Variants in OR9G4 observed in about 807,000 individuals in gnomAD.
OR9G4 encodes the protein olfactory receptor 9G4.
In OR9G4, 19 loss-of-function variants were observed where a neutral mutation model predicts 16.7. That is an observed-to-expected ratio of 1.14 (90% confidence interval 0.79 to 1.67). OR9G4 has a LOEUF of 1.67. Among genes scored for constraint, OR9G4 ranks in the 40% most tolerant of loss-of-function variants. The pLI is 0.00. For missense variants in OR9G4, 428 were observed against 370.4 expected (o/e 1.16, Z -1.28); for synonymous variants, 182 against 146.2 (o/e 1.24, Z -1.76).
chr11:56,743,994 CTATT>C, intron 1 of OR9G4: 1 of 588,640 alleles, frequency 1.7e-6, no homozygotes, highest in Non-Finnish European at 3.0e-6. Context: ...TATTTATTAA[CTATT>C]TAATGCAGGA....
chr11:56,745,028 G>A (rs1299845475), intron 1 of OR9G4, among the ~76,000 whole-genome samples: 7 of 152,044 alleles, frequency 4.6e-5, no homozygotes, highest in South Asian at 4.1e-4. Context: ...CCCCACCTAC[G>A]TGTATTTACC....
chr11:56,748,364 G>T (rs1464621201), intron 1 of OR9G4, among the ~76,000 whole-genome samples: 1 of 152,006 alleles, frequency 6.6e-6, no homozygotes, highest in Non-Finnish European at 1.5e-5. Flanking sequence ...CAATCACTGG[G>T]GTCAAAAAAG....
Position 56,743,431 on chromosome 11 carries a change from G to A in OR9G4, c.336C>T (p.Cys112=), listed in dbSNP as rs1858344670. 3 of 1,614,144 alleles carry A rather than the reference G, an allele frequency of 1.9e-6. No individual in the cohort carries two copies. Among genetic ancestry groups the A allele is most frequent in the Non-Finnish European group, 2.5e-6 (3 of 1,180,030 alleles). ...FFSCVVAYTE[C]YLLAAMAYDR... ...CATATGCCATGGCTGCCAGGAGATA[G>A]CATTCAGTGTAGGCTACAACACAGG... The change falls in exon 2 of 2, where the codon TGC becomes TGT. Residue 112 remains cysteine, a synonymous_variant. Coordinates refer to ENST00000641668, the MANE Select transcript of OR9G4 (RefSeq NM_001005284.2).
At chr11:56,746,442 A>G (rs1226760535) in intron 1 of OR9G4, among the ~76,000 whole-genome samples, 1 of 152,212 alleles carries the variant, frequency 6.6e-6, no homozygotes, top group Non-Finnish European at 1.5e-5. Context: ...TAAACTCAGC[A>G]ATGATAATTC....
Position 56,743,175 on chromosome 11 carries a change from C to G in OR9G4, c.592G>C (p.Val198Leu). The G allele has an allele frequency of 6.2e-7, 1 of 1,614,092 alleles. No individual in the cohort carries two copies. The highest frequency in any genetic ancestry group is 8.5e-7 in the Non-Finnish European group (1 of 1,179,974). The change falls in exon 2 of 2, where the codon GTC becomes CTC. Residue 198 changes from valine to leucine, a missense_variant. By Grantham distance (32) the Val-to-Leu change is conservative (BLOSUM62 1). Transcript: ENST00000641668. ...SCTNTRVYEK[V>L]LLGVVGFTVL... ...GTGAAGCCCACCACACCAAGCAGGA[C>G]TTTTTCGTAGACCCTGGTGTTTGTA...
In OR9G4 at chr11:56,742,857, C is replaced by T; in HGVS notation, c.910G>A (p.Ala304Thr). The T allele has an allele frequency of 3.7e-6, 6 of 1,613,888 alleles. No homozygotes were observed. The highest frequency in any genetic ancestry group is 5.1e-6 in the Non-Finnish European group (6 of 1,179,834). ...GTTTGTGGTTGTATAGTCTGTGTTGCTTTCCTGAAGGCCTCTTTGATATCT... is the reference window on the plus strand; with the variant it reads ...GTTTGTGGTTGTATAGTCTGTGTTGTTTTCCTGAAGGCCTCTTTGATATCT... ...NKDIKEAFRK[A>T]TQTIQPQT is the part of the protein sequence containing the mutation. The change falls in exon 2 of 2, where the codon GCA becomes ACA. Residue 304 changes from alanine (A) to threonine (T), a missense_variant. Transcript: ENST00000641668.
In OR9G4 at chr11:56,741,243, TTTG is replaced by T; in HGVS notation, c.*1582_*1584del. ...ATTGTGTTTCTTTGTGTTTCGTTTG[TTTG>T]TTATGATTTTGAGATCAGACTATAA... On this transcript the variant is annotated 3_prime_UTR_variant, in exon 2 of 2. Coordinates refer to ENST00000641668, the MANE Select transcript of OR9G4 (RefSeq NM_001005284.2). The T allele has an allele frequency of 3.0e-6, 1 of 333,470 alleles. No individual in the cohort carries two copies. The highest frequency in any genetic ancestry group is 5.7e-6 in the Non-Finnish European group (1 of 176,118). The allele number at this position is 333,470 out of a possible 1,614,324, so 20.7% of individuals were successfully genotyped here.
At position 56,743,331 on chromosome 11, in the gene OR9G4, C is replaced by A; in HGVS notation, c.436G>T (p.Ala146Ser). ...MSTALCTGLVAGSYIGGFLNA... is the reference protein window; with the variant it reads ...MSTALCTGLVSGSYIGGFLNA... ...AAAAATCCTCCTATGTAGGAGCCAGCAACAAGCCCAGTACAGAGGGCGGTG... is the reference window on the plus strand; with the variant it reads ...AAAAATCCTCCTATGTAGGAGCCAGAAACAAGCCCAGTACAGAGGGCGGTG... Residue 146 changes from alanine (A) to serine (S), a missense_variant, in exon 2 of 2, where the codon GCT becomes TCT. Coordinates refer to ENST00000641668, the MANE Select transcript of OR9G4 (RefSeq NM_001005284.2). 1 of 1,614,140 alleles carries A rather than the reference C, an allele frequency of 6.2e-7. No homozygotes were observed. Among genetic ancestry groups the A allele is most frequent in the Non-Finnish European group, 8.5e-7 (1 of 1,180,038 alleles).
intron 1 of OR9G4, among the ~76,000 whole-genome samples, chr11:56,747,618 G>A (rs1466696512): frequency 6.6e-6 from 1 of 152,050 alleles, no homozygotes; most frequent in Non-Finnish European, 1.5e-5. Context: ...TTTCTAGAGT[G>A]AGTAATTGGT....
Position 56,743,695 on chromosome 11 carries a change from C to G in OR9G4, c.72G>C (p.Gln24His). 1.2e-6 allele frequency: 2 copies of G among 1,614,158 alleles called. No homozygotes were observed. The highest frequency in any genetic ancestry group is 1.7e-6 in the Non-Finnish European group (2 of 1,180,020). ...LLGFSADSQW[Q>H]PILFGVFLML... ...TCAGAAACACTCCAAATAGAATCGG[C>G]TGCCACTGGGAATCTGCTGAGAAAC... Residue 24 changes from glutamine to histidine, a missense_variant, in exon 2 of 2, where the codon CAG becomes CAC. Gln to His is a conservative substitution (Grantham distance 24, BLOSUM62 0). Transcript: ENST00000641668.
At chr11:56,748,079 A>G (rs1387093501) in intron 1 of OR9G4, among the ~76,000 whole-genome samples, 1 of 152,248 alleles carries the variant, frequency 6.6e-6, no homozygotes, top group African/African-American at 2.4e-5. Context: ...AGAAGAGTAA[A>G]TAAAAGAGAA....
intron 1 of OR9G4, among the ~76,000 whole-genome samples, chr11:56,746,838 C>T (rs927162161): frequency 2.6e-5 from 4 of 152,158 alleles, no homozygotes; most frequent in Admixed American, 2.0e-4. Context: ...AATCTGACCA[C>T]TTCTCCCCAC....
At position 56,743,166 on chromosome 11, in the gene OR9G4, C is replaced by A. The variant is rs764737767; in HGVS notation, c.601G>T (p.Gly201Cys). ...NTRVYEKVLL[G>C]VVGFTVLSSI... ...GAGAGTACTGTGAAGCCCACCACAC[C>A]AAGCAGGACTTTTTCGTAGACCCTG... The change falls in exon 2 of 2, where the codon GGT becomes TGT. Residue 201 changes from glycine to cysteine, a missense_variant. Transcript: ENST00000641668. 1.9e-6 allele frequency: 3 copies of A among 1,614,056 alleles called. No individual in the cohort carries two copies. The highest frequency in any genetic ancestry group is 2.5e-6 in the Non-Finnish European group (3 of 1,179,970).
chr11:56,743,789 C>T lies in OR9G4; in HGVS notation c.-22-1G>A. 1 of 1,612,844 alleles carries T rather than the reference C, an allele frequency of 6.2e-7. No homozygotes were observed. Among genetic ancestry groups the T allele is most frequent in the East Asian group, 2.2e-5 (1 of 44,854 alleles). On this transcript the variant is annotated splice_acceptor_variant, in intron 1 of 1. Transcript: ENST00000641668. LOFTEE classifies it low-confidence loss of function (5UTR_SPLICE). ...CATGTCCACGGAGGTGAAAGCCTGACTATCATGAGAAGGGAAAATCATCAC... is the reference window on the plus strand; with the variant it reads ...CATGTCCACGGAGGTGAAAGCCTGATTATCATGAGAAGGGAAAATCATCAC...
At chr11:56,743,893 TC>T (rs1858360976) in intron 1 of OR9G4, 105 bp from the exon 2 acceptor site, 2 of 1,281,538 alleles carry the variant, frequency 1.6e-6, no homozygotes, top group African/African-American at 3.0e-5. Context: ...TAGATTTTTC[TC>T]CCTTACTATC....
chr11:56,748,208 C>A (rs1363895710), intron 1 of OR9G4, among the ~76,000 whole-genome samples: 1 of 152,208 alleles, frequency 6.6e-6, no homozygotes, highest in Non-Finnish European at 1.5e-5. Context: ...AATGGCCTAT[C>A]AAGATGCATC....
Position 56,747,362 on chromosome 11 carries a change from C to T in OR9G4, c.-23+1294G>A, listed in dbSNP as rs569389819. On this transcript the variant is annotated intron_variant, in intron 1 of 1. Transcript: ENST00000641668. ...AAAGGTGAATGTGACATTTTAAATT[C>T]CATGCCCCTTTTAAATTCCATGCCC... is the stretch of plus-strand genomic sequence containing the variant. Among the ~76,000 whole-genome samples the T allele has an allele frequency of 1.2e-4, 19 of 152,080 alleles. No homozygotes were observed. The South Asian group carries it at 3.9e-3, about 32-fold the overall frequency.
At position 56,743,005 on chromosome 11, in the gene OR9G4, T is replaced by C. The variant is rs745471776; in HGVS notation, c.762A>G (p.Ser254=). Residue 254 remains serine, a synonymous_variant, in exon 2 of 2, where the codon TCA becomes TCG. Transcript: ENST00000641668. ...TAGGCCTTGAATACATAAACAACAA[T>C]GATCCATAGAAGAGCATGACTGAGA... ...HLISVMLFYG[S]LLFMYSRPSS... 5.0e-6 allele frequency: 8 copies of C among 1,614,054 alleles called. No individual in the cohort carries two copies. Among genetic ancestry groups the C allele is most frequent in the South Asian group, 1.1e-5 (1 of 91,074 alleles).
intron 1 of OR9G4, among the ~76,000 whole-genome samples, chr11:56,744,183 T>A (rs1017123796): frequency 6.6e-6 from 1 of 152,132 alleles, no homozygotes; most frequent in African/African-American, 2.4e-5. Flanking sequence ...TTCTCCTGCC[T>A]CAGCCTCCTG....
Sources: gnomAD v4.1 joint callset for allele counts (sites outside exome capture counted in the v4.1 genomes callset) on GRCh38, gnomAD v4.1.1 for gene constraint, MANE v1.5 for transcripts, NCBI Gene and HGNC (gene_info 2026-07-23, HGNC 2026-07-21) for gene names.